BMPR2: variants seen among roughly 807,000 people sequenced by gnomAD.
The protein encoded by BMPR2 is bone morphogenetic protein receptor type 2.
In BMPR2, 29 loss-of-function variants were observed where a neutral mutation model predicts 100.8. That is an observed-to-expected ratio of 0.29 (90% CI 0.21 to 0.39). The LOEUF is 0.39. Among genes scored for constraint, BMPR2 ranks in the 10% least tolerant of loss-of-function variants. The pLI is 1.00. For synonymous variants in BMPR2, 382 were observed against 442.3 expected, an observed-to-expected ratio of 0.86 and a Z score of 1.71; for missense variants, 1,011 against 1,274.5, an observed-to-expected ratio of 0.79 and a Z score of 3.15.
chr2:202,392,991 CAAAA>C (rs57464494), intron 1 of BMPR2, among the ~76,000 whole-genome samples: 28 of 95,782 alleles, frequency 2.9e-4, no homozygotes, highest in African/African-American at 7.1e-4. Flanking sequence ...AACTCCGTCT[CAAAA>C]AAAAAAAAAA....
intron 1 of BMPR2, among the ~76,000 whole-genome samples, chr2:202,384,847 C>T (rs767242208): frequency 3.9e-5 from 6 of 152,110 alleles, no homozygotes; most frequent in Non-Finnish European, 7.3e-5. Context: ...CCTGCCTCAG[C>T]CTCCCAGAGT....
chr2:202,537,865 A>G (rs1454828982), intron 9 of BMPR2, among the ~76,000 whole-genome samples: 1 of 151,300 alleles, frequency 6.6e-6, no homozygotes, highest in East Asian at 1.9e-4. Context: ...ACGCCTGCAA[A>G]CCCAGCACTT....
intron 1 of BMPR2, among the ~76,000 whole-genome samples, chr2:202,457,481 CAT>C (rs890106590): frequency 3.4e-5 from 5 of 147,528 alleles, no homozygotes; most frequent in Non-Finnish European, 7.4e-5. Flanking sequence ...AGAAAAATGA[CAT>C]AAAGATCAAT....
chr2:202,463,578 T>C (rs905641160), intron 1 of BMPR2, among the ~76,000 whole-genome samples: 3 of 152,218 alleles, frequency 2.0e-5, no homozygotes, highest in Non-Finnish European at 4.4e-5. Context: ...CCAAGTGTAT[T>C]AGACTATTAT....
intron 1 of BMPR2, among the ~76,000 whole-genome samples, chr2:202,389,036 C>A (rs1377034206): frequency 1.3e-5 from 2 of 150,718 alleles, no homozygotes; most frequent in African/African-American, 4.9e-5. Context: ...TCGAGACCAG[C>A]CTGGGCAATA....
At chr2:202,557,581 C>T (rs925542159) in intron 12 of BMPR2, among the ~76,000 whole-genome samples, 15 of 150,058 alleles carry the variant, frequency 1.0e-4, no homozygotes, top group African/African-American at 3.2e-4. Context: ...GCAGGAGAAT[C>T]GCCTTAACCC....
chr2:202,401,820 A>G lies in BMPR2; in HGVS notation c.76+24270A>G, dbSNP rs547935828. Among the ~76,000 whole-genome samples, 144 of 152,316 alleles carry G rather than the reference A, an allele frequency of 9.5e-4. 1 individual carries two copies. In the Middle Eastern group the frequency reaches 0.01, roughly 11 times the overall value. On this transcript the variant is annotated intron_variant, in intron 1 of 12. Transcript: ENST00000374580. Reference sequence around the variant, plus strand: ...AACCCAGCTTCTTAACAAAGATATGATTTAATTTTTGTTGTTGAATGATTT... The same window carrying G: ...AACCCAGCTTCTTAACAAAGATATGGTTTAATTTTTGTTGTTGAATGATTT...
Position 202,560,201 on chromosome 2 carries a change from G to A in BMPR2, c.*255G>A, listed in dbSNP as rs147815007. 1.2e-3 allele frequency: 570 copies of A among 477,686 alleles called. 3 individuals are homozygous for A. The highest frequency in any genetic ancestry group is 0.01 in the African/African-American group (537 of 51,568). The allele number at this position is 477,686 out of a possible 1,614,324, so 29.6% of individuals were successfully genotyped here. ...GTTATATTTGTCTGTTATGACCACA[G>A]AGTTATATGTGTGTGTATCAAAAGT... On this transcript the variant is annotated 3_prime_UTR_variant, in exon 13 of 13. Transcript: ENST00000374580.
At chr2:202,541,676 T>G (rs1688278413) in intron 9 of BMPR2, among the ~76,000 whole-genome samples, 1 of 150,700 alleles carries the variant, frequency 6.6e-6, no homozygotes, top group Non-Finnish European at 1.5e-5. Context: ...TTTCAAGTAT[T>G]AAGTATGCCT....
intron 1 of BMPR2, among the ~76,000 whole-genome samples, chr2:202,393,762 T>C (rs1690597021): frequency 6.6e-6 from 1 of 152,142 alleles, no homozygotes; most frequent in Non-Finnish European, 1.5e-5. Context: ...GTTGCATTTA[T>C]CACCTGTAAG....
At chr2:202,496,312 C>T (rs1464467735) in intron 3 of BMPR2, among the ~76,000 whole-genome samples, 2 of 152,022 alleles carry the variant, frequency 1.3e-5, no homozygotes, top group African/African-American at 4.8e-5. Context: ...CATGGCAAAA[C>T]CCTGTCTCTA....
intron 11 of BMPR2, 27 bp from the exon 12 acceptor site, chr2:202,555,225 A>G: frequency 2.5e-6 from 4 of 1,590,094 alleles, no homozygotes; most frequent in Non-Finnish European, 3.5e-6. Flanking sequence ...TACGTTCTCA[A>G]TGTGATACTT....
rs749434041 is a variant in BMPR2, at chr2:202,555,768, T to C, written c.2103T>C (p.Ser701=). ...KQFSGPDPLS[S]TSSSLLYPLI... is the part of the protein sequence containing the mutation. ...TCAGTGGCCCAGACCCACTGAGCAG[T>C]ACTAGTTCTAGCTTGCTTTACCCAC... The change falls in exon 12 of 13, where the codon AGT becomes AGC. Residue 701 remains serine, a synonymous_variant. Transcript: ENST00000374580. 4.3e-6 allele frequency: 7 copies of C among 1,614,146 alleles called. No individual in the cohort carries two copies. The highest frequency in any genetic ancestry group is 5.9e-6 in the Non-Finnish European group (7 of 1,180,032).
intron 1 of BMPR2, among the ~76,000 whole-genome samples, chr2:202,386,106 T>C (rs1038422759): frequency 6.6e-6 from 1 of 152,212 alleles, no homozygotes; most frequent in Non-Finnish European, 1.5e-5. Flanking sequence ...GGCTAAATGT[T>C]GTGTTTCAGG....
chr2:202,518,696 G>C, intron 5 of BMPR2, 126 bp from the exon 6 acceptor site: 1 of 844,078 alleles, frequency 1.2e-6, no homozygotes, highest in Non-Finnish European at 2.0e-6. Context: ...TTAATTTCTT[G>C]ATAATGGAAT....
chr2:202,500,048 C>T lies in BMPR2; in HGVS notation c.419-13671C>T, dbSNP rs556423369. Among the ~76,000 whole-genome samples, 41 of 152,326 alleles carry T rather than the reference C, an allele frequency of 2.7e-4. 1 individual carries two copies. In the South Asian group the frequency reaches 7.7e-3, roughly 28 times the overall value. ...TGCACTGCCCCAGAGGACGAAGGTT[C>T]CCTGGGTCAGAAGGCCCAACCAGAT... On this transcript the variant is annotated intron_variant, in intron 3 of 12. Coordinates refer to ENST00000374580, the MANE Select transcript of BMPR2 (RefSeq NM_001204.7).
At chr2:202,485,046 C>T (rs1258585469) in intron 3 of BMPR2, among the ~76,000 whole-genome samples, 4 of 151,082 alleles carry the variant, frequency 2.6e-5, no homozygotes, top group South Asian at 2.1e-4. Flanking sequence ...AGGCTTGTTT[C>T]GAACTCCTGG....
At chr2:202,523,269 T>C (rs1687852065) in intron 7 of BMPR2, among the ~76,000 whole-genome samples, 1 of 152,242 alleles carries the variant, frequency 6.6e-6, no homozygotes, top group African/African-American at 2.4e-5. Flanking sequence ...GGAACACTTA[T>C]ACATTATTGG....
intron 10 of BMPR2, among the ~76,000 whole-genome samples, chr2:202,549,358 CTT>C (rs1559072178): frequency 6.6e-6 from 1 of 152,092 alleles, no homozygotes; most frequent in Non-Finnish European, 1.5e-5. Context: ...GGATATTTGA[CTT>C]ATTTCCAGTT....
Sources: gnomAD v4.1 joint callset for allele counts (sites outside exome capture counted in the v4.1 genomes callset) on GRCh38, gnomAD v4.1.1 for gene constraint, MANE v1.5 for transcripts, NCBI Gene and HGNC (gene_info 2026-07-23, HGNC 2026-07-21) for gene names.